The following SDHC variants were observed in gnomAD, a reference collection of about 807,000 sequenced individuals.
SDHC encodes the protein succinate dehydrogenase cytochrome b560 subunit, mitochondrial.
In SDHC, 11 loss-of-function variants were observed where a neutral mutation model predicts 22.6. The ratio of observed to expected loss-of-function variants is 0.49; its 90% CI spans 0.31 to 0.81. The LOEUF (loss-of-function observed/expected upper bound fraction) is 0.81, where lower values mean the gene tolerates loss of function less well. SDHC is among the 30% of genes least tolerant of loss of function. The pLI is 0.05. For synonymous variants in SDHC, 80 were observed against 77.8 expected, an observed-to-expected ratio of 1.03 and a Z score of -0.15; for missense variants, 160 against 212.0, an observed-to-expected ratio of 0.75 and a Z score of 1.52.
chr1:161,323,129 G>A (rs574484835), intron 1 of SDHC, among the ~76,000 whole-genome samples: 3 of 152,218 alleles, frequency 2.0e-5, no homozygotes, highest in African/African-American at 7.2e-5. Context: ...CTCCTGAGTA[G>A]CTGGGATTAC....
At chr1:161,341,117 GA>G (rs1478686889) in intron 4 of SDHC, among the ~76,000 whole-genome samples, 2 of 152,196 alleles carry the variant, frequency 1.3e-5, no homozygotes, top group African/African-American at 4.8e-5. Context: ...TGGGATTACA[GA>G]CATGAGCCAC....
intron 3 of SDHC, chr1:161,339,668 T>TTTTTGTTTGTTTG (rs1371336583): frequency 3.0e-5 from 8 of 268,890 alleles, no homozygotes; most frequent in Middle Eastern, 1.6e-3. Context: ...AGGTGTTTTT[T>TTTTTGTTTGTTTG]TTTTTTTTTT....
chr1:161,348,451 G>A (rs963322716), intron 4 of SDHC, among the ~76,000 whole-genome samples: 4 of 151,628 alleles, frequency 2.6e-5, no homozygotes, highest in Admixed American at 2.0e-4. Context: ...GAGCTACTGC[G>A]CCTGGCCTGC....
At chr1:161,329,649 T>C (rs1436704840) in intron 3 of SDHC, among the ~76,000 whole-genome samples, 1 of 152,252 alleles carries the variant, frequency 6.6e-6, no homozygotes, top group Non-Finnish European at 1.5e-5. Flanking sequence ...TTGTTTTCTA[T>C]TGCTACTATA....
At chr1:161,337,378 A>G (rs1208113037) in intron 3 of SDHC, among the ~76,000 whole-genome samples, 1 of 152,090 alleles carries the variant, frequency 6.6e-6, no homozygotes, top group African/African-American at 2.4e-5. Flanking sequence ...TTTTCTCACC[A>G]CATAGGTCCT....
At chr1:161,350,676 A>G (rs935758634) in intron 4 of SDHC, among the ~76,000 whole-genome samples, 20 of 152,214 alleles carry the variant, frequency 1.3e-4, no homozygotes, top group Non-Finnish European at 2.4e-4. Flanking sequence ...TTCAGTTGGT[A>G]GTATTATATT....
rs144532303 is a variant in SDHC, at chr1:161,356,706, T to G, written c.271T>G (p.Leu91Val). The G allele has an allele frequency of 6.2e-7, 1 of 1,614,016 alleles. No individual in the cohort carries two copies. The highest frequency in any genetic ancestry group is 1.3e-5 in the African/African-American group (1 of 75,022). Reference protein sequence around the residue: ...GVSLFGMSALLLPGNFESYLE... With the variant: ...GVSLFGMSALVLPGNFESYLE... Reference sequence around the variant, plus strand: ...CTCTCTTTTTGGCATGTCGGCCCTGTTACTCCCTGGGAACTTTGAGTCTTA... The same window carrying G: ...CTCTCTTTTTGGCATGTCGGCCCTGGTACTCCCTGGGAACTTTGAGTCTTA... The change falls in exon 5 of 6, where the codon TTA (leucine) becomes GTA (valine). Residue 91 changes from leucine (L) to valine (V), a missense_variant. By Grantham distance (32) the Leu-to-Val change is conservative. Transcript: ENST00000367975.
intron 3 of SDHC, chr1:161,339,429 C>T (rs546691977): frequency 7.9e-5 from 25 of 314,912 alleles, no homozygotes; most frequent in East Asian, 2.8e-4. Flanking sequence ...CAACGGCCCC[C>T]GCCTTGGCCT....
intron 4 of SDHC, among the ~76,000 whole-genome samples, chr1:161,344,460 A>G (rs1187540199): frequency 6.8e-6 from 1 of 148,018 alleles, no homozygotes; most frequent in African/African-American, 2.6e-5. Flanking sequence ...TCTCAAAAAA[A>G]AGAAAAAAAA....
chr1:161,339,581 T>C (rs1387721882), intron 3 of SDHC: 2 of 1,267,362 alleles, frequency 1.6e-6, no homozygotes, highest in Non-Finnish European at 2.1e-6. Context: ...TGATGCAGTC[T>C]GGTAAAGGTA....
At chr1:161,317,308 A>G (rs1670653985) in intron 1 of SDHC, among the ~76,000 whole-genome samples, 1 of 151,884 alleles carries the variant, frequency 6.6e-6, no homozygotes, top group African/African-American at 2.4e-5. Flanking sequence ...GATTACAGGC[A>G]TGAGCCACAA....
At chr1:161,318,805 G>A (rs1172349383) in intron 1 of SDHC, among the ~76,000 whole-genome samples, 5 of 149,694 alleles carry the variant, frequency 3.3e-5, no homozygotes, top group Admixed American at 1.3e-4. Context: ...AGGCCGAGGC[G>A]GGAGGATCAC....
intron 3 of SDHC, chr1:161,339,492 T>C: frequency 1.2e-6 from 1 of 824,734 alleles, no homozygotes; most frequent in South Asian, 1.5e-5. Context: ...CCAACTTTAA[T>C]GAGTGTCTTT....
intron 4 of SDHC, among the ~76,000 whole-genome samples, chr1:161,342,712 TCTGAA>T (rs1332539183): frequency 2.6e-5 from 4 of 152,054 alleles, no homozygotes; most frequent in Non-Finnish European, 1.5e-5. Context: ...AGATGGGGTT[TCTGAA>T]CTCCTGACCT....
intron 4 of SDHC, among the ~76,000 whole-genome samples, chr1:161,352,663 C>G (rs1388821688): frequency 6.6e-6 from 1 of 152,120 alleles, no homozygotes; most frequent in Non-Finnish European, 1.5e-5. Flanking sequence ...TTATTTAACC[C>G]TCATAATAAT....
At position 161,356,822 on chromosome 1, in the gene SDHC, G is replaced by A. The variant is rs981049067; in HGVS notation, c.387G>A (p.Trp129Ter). 1.2e-6 allele frequency: 2 copies of A among 1,614,046 alleles called. No individual in the cohort carries two copies. Among genetic ancestry groups the A allele is most frequent in the Non-Finnish European group, 1.7e-6 (2 of 1,180,038 alleles). Residue 129 changes from tryptophan to a stop codon, truncating the protein, a stop_gained, in exon 5 of 6, where the codon TGG (tryptophan) becomes TGA (stop). Transcript: ENST00000367975. LOFTEE classifies it high-confidence loss of function. Reference protein sequence around the residue: ...ALVFPLMYHTWNGIRHLMWDL... With the variant: ...ALVFPLMYHT ...TCTTCCCTCTCATGTATCATACCTG[G>A]AATGGGATCCGACACTTGGTAAGTT...
intron 2 of SDHC, among the ~76,000 whole-genome samples, chr1:161,325,141 A>C (rs1420469077): frequency 1.3e-5 from 2 of 152,140 alleles, no homozygotes; most frequent in Non-Finnish European, 2.9e-5. Flanking sequence ...CAGCAGTTCA[A>C]GGTTGTGGTG....
At chr1:161,351,778 C>G (rs1300114726) in intron 4 of SDHC, among the ~76,000 whole-genome samples, 3 of 152,208 alleles carry the variant, frequency 2.0e-5, no homozygotes, top group African/African-American at 7.2e-5. Context: ...TGTGACAACA[C>G]TGGAAATAAA....
At chr1:161,339,474 T>C (rs1351483793) in intron 3 of SDHC, 6 of 665,340 alleles carry the variant, frequency 9.0e-6, no homozygotes, top group African/African-American at 1.9e-5. Flanking sequence ...TGAGCCACCA[T>C]GCCAGCTCCA....
Sources: allele counts gnomAD v4.1 joint callset (sites outside exome capture counted in the v4.1 genomes callset), GRCh38; gene constraint gnomAD v4.1.1; transcripts MANE v1.5; gene names NCBI Gene and HGNC (gene_info 2026-07-23, HGNC 2026-07-21).